Variants in ESYT2 observed in about 807,000 individuals in gnomAD.
ESYT2 encodes the protein extended synaptotagmin 2.
In ESYT2, 54 loss-of-function variants were observed where a neutral mutation model predicts 107.2. The observed-to-expected ratio is 0.50, with a 90% CI of 0.40 to 0.63. The LOEUF (loss-of-function observed/expected upper bound fraction) is 0.63, where lower values mean the gene tolerates loss of function less well. ESYT2 is among the 30% of genes least tolerant of loss of function. The probability of loss-of-function intolerance (pLI) is 0.00; values close to 1 mark genes in which losing one functional copy is unlikely to be tolerated. For synonymous variants in ESYT2, 491 were observed against 434.1 expected, an observed-to-expected ratio of 1.13 and a Z score of -1.63; for missense variants, 1,020 against 1,094.5, an observed-to-expected ratio of 0.93 and a Z score of 0.96.
At position 158,795,239 on chromosome 7, in the gene ESYT2, C is replaced by G. The variant is rs147303032; in HGVS notation, c.508-1513G>C. On this transcript the variant is annotated intron_variant, in intron 3 of 22. Coordinates refer to ENST00000275418, the MANE Select transcript of ESYT2 (RefSeq NM_001367773.1). ...TTCATCAGAAAGCCTGGGTTTGACA[C>G]TTGTAAGACATTGGTACAGTAGATG... Among the ~76,000 whole-genome samples the G allele has an allele frequency of 3.9e-5, 6 of 152,314 alleles. No individual in the cohort carries two copies. In the East Asian group the frequency reaches 9.6e-4, roughly 24 times the overall value.
chr7:158,812,532 T>C (rs1383274111), intron 1 of ESYT2, among the ~76,000 whole-genome samples: 1 of 152,186 alleles, frequency 6.6e-6, no homozygotes, highest in East Asian at 1.9e-4. Flanking sequence ...GTACAGGCAT[T>C]GTGAAAACAG....
chr7:158,829,346 G>C lies in ESYT2; in HGVS notation c.73C>G (p.Pro25Ala). 1.3e-5 allele frequency: 19 copies of C among 1,423,326 alleles called. No homozygotes were observed. Among genetic ancestry groups the C allele is most frequent in the Non-Finnish European group, 1.7e-5 (19 of 1,093,728 alleles). 88.2% of individuals were successfully genotyped at this position (1,423,326 alleles called of 1,614,324 possible). Reference sequence around the variant, plus strand: ...AGCTCCACGCTCAGCACGCCCCCGGGGTTCTCAGGCGCCGCGCGGCCCCCA... The same window carrying C: ...AGCTCCACGCTCAGCACGCCCCCGGCGTTCTCAGGCGCCGCGCGGCCCCCA... ...GAGGRAAPEN[P>A]GGVLSVELPG... The change falls in exon 1 of 23, where the codon CCC becomes GCC. Residue 25 changes from proline to alanine, a missense_variant. Pro to Ala is a conservative substitution (Grantham distance 27, BLOSUM62 -1). Coordinates refer to ENST00000275418, the MANE Select transcript of ESYT2 (RefSeq NM_001367773.1).
At chr7:158,777,124 A>G (rs113021446) in intron 6 of ESYT2, among the ~76,000 whole-genome samples, 1,963 of 152,076 alleles carry the variant, frequency 0.013, 46 homozygotes, top group African/African-American at 0.045. Context: ...TGGCCTCTGA[A>G]AGTGCTGGGA....
At chr7:158,771,329 T>C (rs1039495685) in intron 7 of ESYT2, among the ~76,000 whole-genome samples, 2 of 152,264 alleles carry the variant, frequency 1.3e-5, no homozygotes, top group African/African-American at 4.8e-5. Context: ...TGTGTGTGGA[T>C]GTTTGTTCCA....
chr7:158,813,279 G>A (rs1052213138), intron 1 of ESYT2, among the ~76,000 whole-genome samples: 18 of 152,312 alleles, frequency 1.2e-4, no homozygotes, highest in African/African-American at 4.3e-4. Flanking sequence ...GAGTTGAATT[G>A]AAGCACAGAA....
chr7:158,743,759 C>T, intron 16 of ESYT2, 81 bp from the exon 17 acceptor site: 1 of 1,449,608 alleles, frequency 6.9e-7, no homozygotes, highest in Non-Finnish European at 9.2e-7. Flanking sequence ...GCTCCTGACC[C>T]TTTGTCCTCA....
intron 3 of ESYT2, among the ~76,000 whole-genome samples, chr7:158,797,001 G>A (rs112480096): frequency 0.046 from 255 of 5,582 alleles, no homozygotes; most frequent in African/African-American, 0.083. Flanking sequence ...ACAGCCTCCC[G>A]ACAGACGGGA....
chr7:158,753,077 A>G (rs2129471797), intron 13 of ESYT2, among the ~76,000 whole-genome samples: 1 of 152,312 alleles, frequency 6.6e-6, no homozygotes, highest in East Asian at 1.9e-4. Context: ...CTTATCCCCT[A>G]TGATTAATAT....
chr7:158,781,813 ATG>A (rs1313945895), intron 6 of ESYT2, among the ~76,000 whole-genome samples: 11 of 151,456 alleles, frequency 7.3e-5, no homozygotes, highest in African/African-American at 2.2e-4. Context: ...AAAGTGTGAG[ATG>A]TGAGTGTAAT....
At chr7:158,743,801 C>T in intron 16 of ESYT2, 123 bp from the exon 17 acceptor site, 1 of 1,161,170 alleles carries the variant, frequency 8.6e-7, no homozygotes, top group East Asian at 3.1e-5. Context: ...TAGAAAGGGG[C>T]CAGGTGGGGT....
intron 6 of ESYT2, among the ~76,000 whole-genome samples, chr7:158,780,824 A>T (rs1198723510): frequency 6.6e-6 from 1 of 152,236 alleles, no homozygotes; most frequent in Non-Finnish European, 1.5e-5. Context: ...TGTTCAAGGC[A>T]CTGAAAGGCC....
rs1837961199 is a variant in ESYT2 at position 158,761,527 on chromosome 7, A to G, written c.1202T>C (p.Ile401Thr). The change falls in exon 11 of 23, where the codon ATT becomes ACT. Residue 401 changes from isoleucine (I) to threonine (T), a missense_variant. By Grantham distance (89) the Ile-to-Thr change is moderately conservative (BLOSUM62 -1). Coordinates refer to ENST00000275418, the MANE Select transcript of ESYT2 (RefSeq NM_001367773.1). Reference sequence around the variant, plus strand: ...TAAAAGGCGCTCCTTTTCAACTTCAATGAGGTCAATCATAAGACTATAAAA... The same window carrying G: ...TAAAAGGCGCTCCTTTTCAACTTCAGTGAGGTCAATCATAAGACTATAAAA... Reference protein sequence around the residue: ...DFLGSLMIDLIEVEKERLLDE... With the variant: ...DFLGSLMIDLTEVEKERLLDE... 1.2e-6 allele frequency: 2 copies of G among 1,614,052 alleles called. No homozygotes were observed. Among genetic ancestry groups the G allele is most frequent in the Non-Finnish European group, 1.7e-6 (2 of 1,179,928 alleles).
chr7:158,745,328 T>C (rs1004392709), intron 16 of ESYT2, among the ~76,000 whole-genome samples: 1 of 152,054 alleles, frequency 6.6e-6, no homozygotes, highest in Admixed American at 6.6e-5. Flanking sequence ...GGCCTGGCTG[T>C]TCACACACAC....
At chr7:158,751,203 C>T (rs967939852) in intron 14 of ESYT2, among the ~76,000 whole-genome samples, 1 of 152,224 alleles carries the variant, frequency 6.6e-6, no homozygotes, top group South Asian at 2.1e-4. Context: ...TATTTCGCTT[C>T]CATTTTCTGT....
rs188250219 is a variant in ESYT2 at position 158,775,631 on chromosome 7, C to T, written c.748-2235G>A. ...TGAGACTGCAGCAATTCAGCCCCCT[C>T]TTCAGGCTCCACTTCTAACTACGGT... On this transcript the variant is annotated intron_variant, in intron 6 of 22. Coordinates refer to ENST00000275418, the MANE Select transcript of ESYT2 (RefSeq NM_001367773.1). Among the ~76,000 whole-genome samples, 290 of 152,342 alleles carry T rather than the reference C, an allele frequency of 1.9e-3. 3 individuals are homozygous for T. Among genetic ancestry groups the T allele is most frequent in the African/African-American group, 6.5e-3 (270 of 41,588 alleles).
chr7:158,781,182 C>A (rs1375566681), intron 6 of ESYT2, among the ~76,000 whole-genome samples: 1 of 151,450 alleles, frequency 6.6e-6, no homozygotes, highest in Non-Finnish European at 1.5e-5. Context: ...TGTGAGAGAA[C>A]AAATGAGAAC....
intron 1 of ESYT2, among the ~76,000 whole-genome samples, chr7:158,803,728 C>CTTGGG (rs1362959720): frequency 6.6e-6 from 1 of 152,068 alleles, no homozygotes; most frequent in African/African-American, 2.4e-5. Flanking sequence ...GCAGCCAGGA[C>CTTGGG]TTGGGGACTG....
intron 9 of ESYT2, 26 bp downstream of exon 9, chr7:158,764,651 G>A (rs369305130): frequency 6.8e-6 from 11 of 1,608,760 alleles, no homozygotes; most frequent in African/African-American, 4.0e-5. Flanking sequence ...CACCACCCCA[G>A]CAACACAGCA....
Position 158,829,423 on chromosome 7 carries a change from C to T in ESYT2, c.-5G>A. The T allele has an allele frequency of 8.4e-7, 1 of 1,189,404 alleles. No homozygotes were observed. The highest frequency in any genetic ancestry group is 1.0e-6 in the Non-Finnish European group (1 of 965,370). 73.7% of individuals were successfully genotyped at this position (1,189,404 alleles called of 1,614,324 possible). On this transcript the variant is annotated 5_prime_UTR_variant, in exon 1 of 23. Transcript: ENST00000275418. ...CTCGCCCCGGGCGCCGCTCATCGCC[C>T]CGCAGTGCCGCGCTGCCCTCCCGGC...
Sources: gnomAD v4.1 joint callset for allele counts (sites outside exome capture counted in the v4.1 genomes callset) on GRCh38, gnomAD v4.1.1 for gene constraint, MANE v1.5 for transcripts, NCBI Gene and HGNC (gene_info 2026-07-23, HGNC 2026-07-21) for gene names.